Variants in VPS13B observed in about 807,000 individuals in gnomAD.
VPS13B encodes vacuolar protein sorting 13 homolog B, also known as intermembrane lipid transfer protein VPS13B.
A neutral mutation model predicts 426.4 loss-of-function variants in VPS13B; 285 were observed. The observed-to-expected ratio is 0.67, with a 90% CI of 0.61 to 0.74. The LOEUF (loss-of-function observed/expected upper bound fraction) is 0.74. Among genes scored for constraint, VPS13B ranks in the 30% least tolerant of loss-of-function variants. The pLI is 0.00. For missense variants in VPS13B, 4,537 were observed against 4,782.6 expected (o/e 0.95, Z 1.51); for synonymous variants, 1,676 against 1,676.4 (o/e 1.00, Z 0.01).
intron 33 of VPS13B, among the ~76,000 whole-genome samples, chr8:99,580,887 G>A (rs1826018671): frequency 6.6e-6 from 1 of 150,842 alleles, no homozygotes. Context: ...AATTATTCAA[G>A]AATAATATCA....
chr8:99,539,895 A>G (rs908507641), intron 30 of VPS13B, among the ~76,000 whole-genome samples: 12 of 146,942 alleles, frequency 8.2e-5, no homozygotes, highest in African/African-American at 2.7e-4. Context: ...ATTTATTTCT[A>G]TAAGCATTTA....
At chr8:99,164,229 G>A (rs922713753) in intron 15 of VPS13B, among the ~76,000 whole-genome samples, 2 of 152,108 alleles carry the variant, frequency 1.3e-5, no homozygotes, top group Admixed American at 6.5e-5. Flanking sequence ...TTGACAAGAA[G>A]GTTAGAAATA....
intron 33 of VPS13B, among the ~76,000 whole-genome samples, chr8:99,588,313 T>G (rs1023867001): frequency 6.6e-6 from 1 of 151,782 alleles, no homozygotes; most frequent in Non-Finnish European, 1.5e-5. Context: ...TCTTTTTTGG[T>G]TCCATATGAA....
At chr8:99,769,927 G>A (rs1170537964) in intron 40 of VPS13B, among the ~76,000 whole-genome samples, 2 of 152,172 alleles carry the variant, frequency 1.3e-5, no homozygotes, top group Non-Finnish European at 2.9e-5. Flanking sequence ...GGGAGGCTGA[G>A]GTGGGAAGAT....
At chr8:99,755,126 ATG>A in intron 39 of VPS13B, among the ~76,000 whole-genome samples, 1 of 152,218 alleles carries the variant, frequency 6.6e-6, no homozygotes, top group Non-Finnish European at 1.5e-5. Flanking sequence ...ACCCCCAGGG[ATG>A]TGTGCCTGCT....
At chr8:99,462,164 T>G (rs966263039) in intron 23 of VPS13B, among the ~76,000 whole-genome samples, 1 of 147,922 alleles carries the variant, frequency 6.8e-6, no homozygotes, top group Non-Finnish European at 1.5e-5. Flanking sequence ...CTCCCTCCCT[T>G]TCTCCCTCCC....
intron 3 of VPS13B, among the ~76,000 whole-genome samples, chr8:99,058,294 T>C (rs1327957814): frequency 6.6e-6 from 1 of 151,750 alleles, no homozygotes; most frequent in Non-Finnish European, 1.5e-5. Flanking sequence ...TAATGCCCCC[T>C]TTTTTTATTT....
chr8:99,081,785 A>G (rs1845477348), intron 3 of VPS13B, among the ~76,000 whole-genome samples: 1 of 152,136 alleles, frequency 6.6e-6, no homozygotes, highest in Admixed American at 6.5e-5. Context: ...TACAAAGGAC[A>G]TTAACTCATC....
intron 30 of VPS13B, among the ~76,000 whole-genome samples, chr8:99,551,375 A>T (rs1201500350): frequency 6.6e-6 from 1 of 151,978 alleles, no homozygotes. Context: ...TCTGTGCCCT[A>T]AAGTTTTAGG....
In VPS13B at chr8:99,642,313, T is replaced by G; in HGVS notation, c.5723T>G (p.Leu1908Arg). The change falls in exon 34 of 62, where the codon CTT (leucine) becomes CGT (arginine). Residue 1908 changes from leucine to arginine, a missense_variant. Leu to Arg is a moderately radical substitution (Grantham distance 102, BLOSUM62 -2). Coordinates refer to ENST00000357162, the MANE Select transcript of VPS13B (RefSeq NM_152564.5). ...ACAAGGTCATCTGCTAGACAAGCAC[T>G]TGGTATAACTATTGTTCGGCAGCCT... The part of the protein sequence containing the change: ...ASTRSSARQA[L>R]GITIVRQPGR... 2 of 1,614,158 alleles carry G rather than the reference T, an allele frequency of 1.2e-6. No homozygotes were observed. The highest frequency in any genetic ancestry group is 1.7e-6 in the Non-Finnish European group (2 of 1,180,012).
chr8:99,028,054 C>T (rs1357008591), intron 2 of VPS13B, among the ~76,000 whole-genome samples: 1 of 152,180 alleles, frequency 6.6e-6, no homozygotes, highest in Non-Finnish European at 1.5e-5. Flanking sequence ...AACAGGATCC[C>T]AAGGCAGAAG....
intron 55 of VPS13B, among the ~76,000 whole-genome samples, chr8:99,849,593 T>C (rs577706325): frequency 2.6e-5 from 4 of 152,170 alleles, no homozygotes; most frequent in Non-Finnish European, 5.9e-5. Context: ...AGCTTTAAAA[T>C]CCTTTTGGCT....
intron 20 of VPS13B, among the ~76,000 whole-genome samples, chr8:99,385,515 T>C (rs1406980731): frequency 6.6e-6 from 1 of 152,222 alleles, no homozygotes; most frequent in African/African-American, 2.4e-5. Context: ...ACTTCTGCCA[T>C]ACCTGTCCCC....
At chr8:99,663,893 C>G (rs1049142262) in intron 35 of VPS13B, among the ~76,000 whole-genome samples, 1 of 151,802 alleles carries the variant, frequency 6.6e-6, no homozygotes, top group African/African-American at 2.4e-5. Flanking sequence ...AAATTAGATA[C>G]AATATTTTCA....
At chr8:99,419,869 T>G (rs1816276173) in intron 21 of VPS13B, among the ~76,000 whole-genome samples, 1 of 152,208 alleles carries the variant, frequency 6.6e-6, no homozygotes, top group African/African-American at 2.4e-5. Flanking sequence ...ATTATACTAC[T>G]GCTACATGAA....
intron 35 of VPS13B, among the ~76,000 whole-genome samples, chr8:99,678,852 T>G (rs1172698335): frequency 6.6e-6 from 1 of 152,206 alleles, no homozygotes; most frequent in Non-Finnish European, 1.5e-5. Context: ...TTCTTTCCCT[T>G]TATTTACCCC....
chr8:99,164,822 C>G (rs1007786712), intron 15 of VPS13B, among the ~76,000 whole-genome samples: 2 of 152,190 alleles, frequency 1.3e-5, no homozygotes, highest in African/African-American at 4.8e-5. Context: ...CTTTGATTTT[C>G]TGTCTCTCTG....
intron 35 of VPS13B, among the ~76,000 whole-genome samples, chr8:99,688,071 T>A (rs72676239): frequency 6.6e-6 from 1 of 150,854 alleles, no homozygotes; most frequent in South Asian, 2.1e-4. Flanking sequence ...TTGGGGGAAG[T>A]GGGCTCTGCA....
intron 17 of VPS13B, among the ~76,000 whole-genome samples, chr8:99,228,030 G>A (rs777949379): frequency 6.6e-6 from 1 of 151,956 alleles, no homozygotes; most frequent in Non-Finnish European, 1.5e-5. Context: ...ATTTCCTATG[G>A]GAGGCTTAGC....
Sources: allele counts gnomAD v4.1 joint callset (sites outside exome capture counted in the v4.1 genomes callset), GRCh38; gene constraint gnomAD v4.1.1; transcripts MANE v1.5; gene names NCBI Gene and HGNC (gene_info 2026-07-23, HGNC 2026-07-21).